Variants in FNDC3A observed in about 807,000 individuals in gnomAD.
The protein encoded by FNDC3A is fibronectin type III domain containing 3A.
A neutral mutation model predicts 148.9 loss-of-function variants in FNDC3A; 32 were observed. The observed-to-expected ratio is 0.21, with a 90% confidence interval of 0.16 to 0.29. The LOEUF is 0.29. Ranked by LOEUF, FNDC3A falls within the 10% of genes least tolerant of loss-of-function variation. The pLI is 1.00. For missense variants in FNDC3A, 1,191 were observed against 1,452.8 expected, an observed-to-expected ratio of 0.82 and a Z score of 2.93; for synonymous variants, 472 against 473.6, an observed-to-expected ratio of 1.00 and a Z score of 0.04.
At position 49,209,494 on chromosome 13, in the gene FNDC3A, A is replaced by G. The variant is rs1593761106; in HGVS notation, c.*2099A>G. Reference sequence around the variant, plus strand: ...CTTAAAATTGTATAAGGCTGAATGAACTTCATACAAATGAAAAAAATCTCA... The same window carrying G: ...CTTAAAATTGTATAAGGCTGAATGAGCTTCATACAAATGAAAAAAATCTCA... On this transcript the variant is annotated 3_prime_UTR_variant, in exon 26 of 26. Coordinates refer to ENST00000492622, the MANE Select transcript of FNDC3A (RefSeq NM_001079673.2). 2.0e-5 allele frequency: 3 copies of G among 152,770 alleles called. No homozygotes were observed. The East Asian group carries it at 5.8e-4, about 29-fold the overall frequency. 9.5% of individuals were successfully genotyped at this position (152,770 alleles called of 1,614,324 possible).
intron 1 of FNDC3A, among the ~76,000 whole-genome samples, chr13:49,003,017 T>G (rs1336708534): frequency 6.6e-6 from 1 of 152,192 alleles, no homozygotes; most frequent in East Asian, 1.9e-4. Flanking sequence ...TGAGTTTGCC[T>G]CCATAACTTC....
intron 1 of FNDC3A, among the ~76,000 whole-genome samples, chr13:48,996,936 G>A (rs1288646627): frequency 2.6e-5 from 4 of 151,904 alleles, no homozygotes; most frequent in African/African-American, 7.3e-5. Flanking sequence ...GGTGGCAAGC[G>A]CATGTAATCC....
chr13:49,151,363 A>T (rs574961445), intron 8 of FNDC3A, among the ~76,000 whole-genome samples: 3 of 151,942 alleles, frequency 2.0e-5, no homozygotes, highest in Non-Finnish European at 4.4e-5. Context: ...ACTGTTTTTG[A>T]CATAAAGTCT....
At position 49,095,147 on chromosome 13, in the gene FNDC3A, T is replaced by A. The variant is rs144430520; in HGVS notation, c.176-19508T>A. On this transcript the variant is annotated intron_variant, in intron 3 of 25. Transcript: ENST00000492622. Reference sequence around the variant, plus strand: ...ACTTTATTTAAAAATGTATATATATTTTTTTAAATTAAGACCCTAAGCTCA... The same window carrying A: ...ACTTTATTTAAAAATGTATATATATATTTTTAAATTAAGACCCTAAGCTCA... 9.6e-3 allele frequency among the ~76,000 whole-genome samples: 1,465 copies of A among 152,026 alleles called. 15 individuals carry two copies. The highest frequency in any genetic ancestry group is 0.023 in the African/African-American group (958 of 41,516).
At chr13:48,993,637 A>G (rs1360582546) in intron 1 of FNDC3A, among the ~76,000 whole-genome samples, 3 of 152,206 alleles carry the variant, frequency 2.0e-5, no homozygotes, top group African/African-American at 7.2e-5. Flanking sequence ...TAACACATGC[A>G]AAAGTGTTTA....
At chr13:49,176,001 AT>A (rs2138065782) in intron 13 of FNDC3A, among the ~76,000 whole-genome samples, 1 of 152,284 alleles carries the variant, frequency 6.6e-6, no homozygotes, top group African/African-American at 2.4e-5. Flanking sequence ...GATTACGTTT[AT>A]TGATTTGCAT....
intron 2 of FNDC3A, among the ~76,000 whole-genome samples, chr13:49,020,091 A>G (rs1239336400): frequency 6.6e-6 from 1 of 152,214 alleles, no homozygotes; most frequent in African/African-American, 2.4e-5. Context: ...AATGGTTAAG[A>G]AAAGTTGAGT....
chr13:49,093,644 C>T (rs758871732), intron 3 of FNDC3A, among the ~76,000 whole-genome samples: 1 of 152,166 alleles, frequency 6.6e-6, no homozygotes, highest in Non-Finnish European at 1.5e-5. Flanking sequence ...TAACAGTTAC[C>T]TTACAGTGAC....
At chr13:49,100,754 C>G (rs1879807775) in intron 3 of FNDC3A, among the ~76,000 whole-genome samples, 1 of 152,092 alleles carries the variant, frequency 6.6e-6, no homozygotes, top group East Asian at 1.9e-4. Context: ...ATTTTGCTGT[C>G]ACATAAATCC....
At chr13:48,979,178 C>T (rs74447121) in intron 1 of FNDC3A, among the ~76,000 whole-genome samples, 2,842 of 152,226 alleles carry the variant, frequency 0.019, 92 homozygotes, top group African/African-American at 0.063. Context: ...TGGGAGATGT[C>T]ATGTGCTTGC....
intron 7 of FNDC3A, among the ~76,000 whole-genome samples, chr13:49,144,873 TCTC>T (rs1265896617): frequency 6.6e-6 from 1 of 152,208 alleles, no homozygotes. Flanking sequence ...TTCACTTTTT[TCTC>T]CTATTACGTA....
chr13:49,096,248 T>C (rs1037276093), intron 3 of FNDC3A, among the ~76,000 whole-genome samples: 2 of 152,106 alleles, frequency 1.3e-5, no homozygotes, highest in African/African-American at 4.8e-5. Flanking sequence ...AGGTATGTTA[T>C]TTTCTCTATG....
chr13:49,055,030 T>C (rs1876121094), intron 2 of FNDC3A, among the ~76,000 whole-genome samples: 1 of 152,198 alleles, frequency 6.6e-6, no homozygotes, highest in Non-Finnish European at 1.5e-5. Context: ...TCTAGGTTGA[T>C]AGTTGTTTTC....
intron 3 of FNDC3A, among the ~76,000 whole-genome samples, chr13:49,076,774 C>T (rs1878143829): frequency 6.6e-6 from 1 of 152,084 alleles, no homozygotes; most frequent in African/African-American, 2.4e-5. Flanking sequence ...ATTCATTTAC[C>T]AAATAACTAC....
chr13:49,113,936 T>C (rs1357751949), intron 3 of FNDC3A, among the ~76,000 whole-genome samples: 7 of 152,186 alleles, frequency 4.6e-5, no homozygotes, highest in Non-Finnish European at 7.4e-5. Context: ...TAAAAGTTAA[T>C]TGGAAAACCT....
chr13:48,993,971 A>G (rs1937180), intron 1 of FNDC3A, among the ~76,000 whole-genome samples: 93,320 of 152,020 alleles, frequency 0.61, 29,434 homozygotes, highest in Non-Finnish European at 0.68. Context: ...TTTCACTAGA[A>G]TGATATTACA....
At chr13:49,082,758 G>C (rs1435278310) in intron 3 of FNDC3A, among the ~76,000 whole-genome samples, 1 of 152,042 alleles carries the variant, frequency 6.6e-6, no homozygotes, top group East Asian at 1.9e-4. Context: ...GCAGACTGAA[G>C]AGGGAATTCA....
At chr13:49,070,051 C>T (rs1435036723) in intron 2 of FNDC3A, among the ~76,000 whole-genome samples, 2 of 152,112 alleles carry the variant, frequency 1.3e-5, no homozygotes, top group Non-Finnish European at 2.9e-5. Flanking sequence ...GGAACTAGTA[C>T]TAATCCAAAC....
chr13:49,142,438 T>C (rs962131981), intron 7 of FNDC3A, among the ~76,000 whole-genome samples: 6 of 152,172 alleles, frequency 3.9e-5, no homozygotes, highest in African/African-American at 9.7e-5. Flanking sequence ...GCTAGATTAG[T>C]ACTCCAGCTT....
Sources: allele counts gnomAD v4.1 joint callset (sites outside exome capture counted in the v4.1 genomes callset), GRCh38; gene constraint gnomAD v4.1.1; transcripts MANE v1.5; gene names NCBI Gene and HGNC (gene_info 2026-07-23, HGNC 2026-07-21).